Variants in AKAP19 observed in about 807,000 individuals in gnomAD.
AKAP19 encodes the protein small A-kinase anchoring protein.
the AKAP19 span, among the ~76,000 whole-genome samples, chr2:190,198,600 C>T: frequency 7.4e-5 from 10 of 135,554 alleles, no homozygotes; most frequent in Admixed American, 5.0e-4. Context: ...TCCTTTACTC[C>T]AGACTGAGTT....
At chr2:190,202,783 C>G in the AKAP19 span, 1 of 167,042 alleles carries the variant, frequency 6.0e-6, no homozygotes, top group Non-Finnish European at 1.5e-5. Context: ...AACATGGAAG[C>G]AGGTTATCAG....
the AKAP19 span, among the ~76,000 whole-genome samples, chr2:190,050,455 T>C: frequency 6.6e-6 from 1 of 152,220 alleles, no homozygotes; most frequent in Non-Finnish European, 1.5e-5. Flanking sequence ...TTACAGCTAA[T>C]GTACAGTGTA....
At chr2:190,037,169 C>A in the AKAP19 span, among the ~76,000 whole-genome samples, 1 of 152,314 alleles carries the variant, frequency 6.6e-6, no homozygotes, top group Admixed American at 6.5e-5. Flanking sequence ...CCTGGGTAAT[C>A]AGACTTGGTT....
the AKAP19 span, among the ~76,000 whole-genome samples, chr2:189,924,631 C>T: frequency 6.6e-6 from 1 of 152,100 alleles, no homozygotes; most frequent in African/African-American, 2.4e-5. Context: ...CTCTTGAAAG[C>T]AGCTTTGAGT....
At chr2:190,116,116 C>T in the AKAP19 span, among the ~76,000 whole-genome samples, 35 of 152,286 alleles carry the variant, frequency 2.3e-4, no homozygotes, top group African/African-American at 7.5e-4. Flanking sequence ...CTGATTGTAC[C>T]TCCAGTATTG....
the AKAP19 span, among the ~76,000 whole-genome samples, chr2:190,164,335 G>C: frequency 6.6e-6 from 1 of 152,146 alleles, no homozygotes; most frequent in Admixed American, 6.5e-5. Context: ...AGAAATTTGA[G>C]ACCAGCCCGG....
the AKAP19 span, among the ~76,000 whole-genome samples, chr2:190,078,527 A>T: frequency 6.6e-6 from 1 of 152,188 alleles, no homozygotes; most frequent in African/African-American, 2.4e-5. Flanking sequence ...ACCCAATGGA[A>T]AAATGGCAAA....
the AKAP19 span, among the ~76,000 whole-genome samples, chr2:189,947,647 A>G: frequency 6.6e-6 from 1 of 152,052 alleles, no homozygotes; most frequent in Non-Finnish European, 1.5e-5. Context: ...TAAACACTCA[A>G]AAAAAGTTGT....
the AKAP19 span, among the ~76,000 whole-genome samples, chr2:189,898,999 A>G: frequency 6.6e-6 from 1 of 152,138 alleles, no homozygotes; most frequent in African/African-American, 2.4e-5. Context: ...GAACTTTGAC[A>G]TGTTAAGTTG....
At chr2:190,191,735 A>G in the AKAP19 span, among the ~76,000 whole-genome samples, 1 of 152,208 alleles carries the variant, frequency 6.6e-6, no homozygotes, top group Non-Finnish European at 1.5e-5. Flanking sequence ...AGCATCTTTC[A>G]TGTACTTATA....
the AKAP19 span, among the ~76,000 whole-genome samples, chr2:189,900,328 G>T: frequency 2.6e-5 from 4 of 151,220 alleles, no homozygotes; most frequent in Non-Finnish European, 4.4e-5. Context: ...GAGCCTAAAG[G>T]TTAAAAAAAA....
chr2:189,974,080 A>C, the AKAP19 span, among the ~76,000 whole-genome samples: 1 of 151,876 alleles, frequency 6.6e-6, no homozygotes, highest in Non-Finnish European at 1.5e-5. Flanking sequence ...TTAGGGTGTC[A>C]ATTTTAGATC....
chr2:190,053,895 A>G, the AKAP19 span, among the ~76,000 whole-genome samples: 1 of 152,122 alleles, frequency 6.6e-6, no homozygotes, highest in African/African-American at 2.4e-5. Context: ...TATCTTCCCC[A>G]TTAAAGTTAG....
the AKAP19 span, chr2:190,180,796 G>C: frequency 1.0e-6 from 1 of 985,306 alleles, no homozygotes. This position sits in a 1 kb window ranked among gnomAD's most constrained non-coding sequence, Gnocchi z 6.8. Context: ...GCGCGCGGCG[G>C]GCGCGGCGGC....
the AKAP19 span, chr2:189,924,091 C>A: frequency 1.3e-6 from 2 of 1,573,060 alleles, no homozygotes; most frequent in Non-Finnish European, 1.7e-6. Context: ...AGGAGGGGGA[C>A]CTACTGGATG....
chr2:189,966,185 G>C, the AKAP19 span, among the ~76,000 whole-genome samples: 1 of 149,782 alleles, frequency 6.7e-6, no homozygotes, highest in Non-Finnish European at 1.5e-5. Flanking sequence ...GGGTACCTGG[G>C]GGGGAAAGGG....
the AKAP19 span, among the ~76,000 whole-genome samples, chr2:190,026,841 T>G: frequency 6.6e-6 from 1 of 152,110 alleles, no homozygotes; most frequent in Non-Finnish European, 1.5e-5. Context: ...TTGAATTAAA[T>G]GAATATTTGG....
chr2:190,004,583 A>T, the AKAP19 span, among the ~76,000 whole-genome samples: 24 of 145,400 alleles, frequency 1.7e-4, no homozygotes, highest in African/African-American at 4.0e-4. Context: ...AAACCTTTTT[A>T]TTTTTTTTTT....
At chr2:189,991,256 T>C in the AKAP19 span, among the ~76,000 whole-genome samples, 2 of 152,234 alleles carry the variant, frequency 1.3e-5, no homozygotes, top group African/African-American at 4.8e-5. Flanking sequence ...CTTTTAGTTC[T>C]TTAAGGAAAC....
Sources: gnomAD v4.1 joint callset for allele counts (sites outside exome capture counted in the v4.1 genomes callset) on GRCh38, gnomAD v4.1.1 for gene constraint, Gnocchi (gnomAD v3.1) non-coding constraint, MANE v1.5 for transcripts, NCBI Gene and HGNC (gene_info 2026-07-23, HGNC 2026-07-21) for gene names.